IL1RAPL1: variants seen among roughly 807,000 people sequenced by gnomAD.
The protein encoded by IL1RAPL1 is interleukin 1 receptor accessory protein like 1, also known as interleukin-1 receptor accessory protein-like 1.
IL1RAPL1 carries 3 observed loss-of-function variants against 48.4 expected under a neutral mutation model. The observed-to-expected ratio is 0.06, with a 90% confidence interval of 0.03 to 0.16. The LOEUF is 0.16. Among genes scored for constraint, IL1RAPL1 ranks in the 10% least tolerant of loss-of-function variants. The probability of loss-of-function intolerance (pLI) is 1.00; values close to 1 mark genes in which losing one functional copy is unlikely to be tolerated. For missense variants in IL1RAPL1, 349 were observed against 530.6 expected (o/e 0.66, Z 3.36); for synonymous variants, 185 against 187.7 (o/e 0.99, Z 0.12).
chrX:29,826,697 T>C (rs1264889597), intron 6 of IL1RAPL1, among the ~76,000 whole-genome samples: 1 of 112,210 alleles, frequency 8.9e-6, no homozygotes, highest in East Asian at 2.8e-4. Context: ...TTATTCTCAT[T>C]TTAGTATGCA....
chrX:29,252,158 T>G (rs1022565127), intron 2 of IL1RAPL1, among the ~76,000 whole-genome samples: 1 of 112,693 alleles, frequency 8.9e-6, no homozygotes, highest in Non-Finnish European at 1.9e-5. Context: ...GAGATATACC[T>G]AATGCTAGAT....
intron 2 of IL1RAPL1, among the ~76,000 whole-genome samples, chrX:29,155,734 T>C (rs1929556186): frequency 9.0e-6 from 1 of 111,731 alleles, no homozygotes. Flanking sequence ...GAATTGTAAG[T>C]TTCTTGCAAA....
At chrX:29,322,869 A>G (rs950950543) in intron 3 of IL1RAPL1, among the ~76,000 whole-genome samples, 2 of 111,759 alleles carry the variant, frequency 1.8e-5, no homozygotes, top group African/African-American at 6.5e-5. Flanking sequence ...CTAAACTCCC[A>G]AAGGAGAATT....
intron 2 of IL1RAPL1, among the ~76,000 whole-genome samples, chrX:29,154,931 A>G (rs1037178132): frequency 1.8e-5 from 2 of 111,703 alleles, no homozygotes; most frequent in Non-Finnish European, 3.8e-5. Context: ...AATTAAGACT[A>G]GTAATGATTA....
chrX:29,921,112 A>C (rs1239674666), intron 8 of IL1RAPL1, among the ~76,000 whole-genome samples: 1 of 112,525 alleles, frequency 8.9e-6, no homozygotes, highest in African/African-American at 3.2e-5. Flanking sequence ...GGTTAAGTGC[A>C]TTTAAATGTA....
intron 6 of IL1RAPL1, among the ~76,000 whole-genome samples, chrX:29,741,907 A>G (rs751566684): frequency 1.1e-5 from 1 of 93,456 alleles, no homozygotes; most frequent in Non-Finnish European, 2.1e-5. Context: ...CCTGGGCAAT[A>G]GAGCGAGACT....
At chrX:29,554,776 C>CA (rs1339115683) in intron 5 of IL1RAPL1, among the ~76,000 whole-genome samples, 197 of 107,745 alleles carry the variant, frequency 1.8e-3, no homozygotes, top group African/African-American at 5.2e-3. Flanking sequence ...AAAATTGCCT[C>CA]AAAAAAAAAA....
chrX:28,902,651 G>GA (rs761730958), intron 2 of IL1RAPL1, among the ~76,000 whole-genome samples: 3 of 111,505 alleles, frequency 2.7e-5, no homozygotes, highest in Non-Finnish European at 3.8e-5. Flanking sequence ...AAAACTAAGG[G>GA]AAAAAATGAG....
In IL1RAPL1 at chrX:29,854,448, T is replaced by TTTA. The variant is rs1402368438; in HGVS notation, c.779-63012_779-63010dup. ...TAAATCATTCATATGATATTTTATT[T>TTTA]TTATTAATTTCTGGTTCAGCTAAAA... On this transcript the variant is annotated intron_variant, in intron 6 of 10. Coordinates refer to ENST00000378993, the MANE Select transcript of IL1RAPL1 (RefSeq NM_014271.4). Among the ~76,000 whole-genome samples, 3 of 111,333 alleles carry TTTA rather than the reference T, an allele frequency of 2.7e-5. No homozygotes were observed. In the Admixed American group the frequency reaches 2.9e-4, roughly 11 times the overall value.
intron 3 of IL1RAPL1, among the ~76,000 whole-genome samples, chrX:29,312,451 T>A (rs749002784): frequency 3.5e-4 from 39 of 111,349 alleles, no homozygotes; most frequent in African/African-American, 1.3e-3. Context: ...TGCCTTTGCA[T>A]TTTTATTTCT....
chrX:29,250,557 C>T (rs1459931797), intron 2 of IL1RAPL1, among the ~76,000 whole-genome samples: 3 of 111,657 alleles, frequency 2.7e-5, no homozygotes, highest in East Asian at 2.8e-4. Flanking sequence ...AGGTCATTTC[C>T]TCTTCCTTCA....
chrX:29,087,550 C>G (rs1187929845), intron 2 of IL1RAPL1, among the ~76,000 whole-genome samples: 2 of 111,530 alleles, frequency 1.8e-5, no homozygotes, highest in African/African-American at 6.5e-5. Flanking sequence ...TGAATAAATA[C>G]CATATTCTCT....
intron 5 of IL1RAPL1, among the ~76,000 whole-genome samples, chrX:29,554,947 T>C (rs915895132): frequency 8.9e-6 from 1 of 112,395 alleles, no homozygotes; most frequent in Non-Finnish European, 1.9e-5. Context: ...CAATAGTTTT[T>C]AAGGCTTCCT....
At chrX:29,457,914 TG>T (rs1268536640) in intron 5 of IL1RAPL1, among the ~76,000 whole-genome samples, 2 of 111,995 alleles carry the variant, frequency 1.8e-5, no homozygotes, top group East Asian at 5.6e-4. Context: ...TATCTTATTG[TG>T]GTTTTGATTT....
At chrX:28,965,733 T>G (rs1345745953) in intron 2 of IL1RAPL1, among the ~76,000 whole-genome samples, 1 of 112,116 alleles carries the variant, frequency 8.9e-6, no homozygotes, top group Non-Finnish European at 1.9e-5. Context: ...TAAAGCAATC[T>G]GTGCGCTCTT....
At chrX:28,708,870 T>C (rs7882211) in intron 1 of IL1RAPL1, among the ~76,000 whole-genome samples, 2,183 of 111,164 alleles carry the variant, frequency 0.02, 59 homozygotes, top group African/African-American at 0.066. Flanking sequence ...TAAAATGGAA[T>C]AAATACAGTG....
At chrX:29,812,260 A>G (rs768129053) in intron 6 of IL1RAPL1, among the ~76,000 whole-genome samples, 2 of 112,292 alleles carry the variant, frequency 1.8e-5, no homozygotes, top group East Asian at 5.6e-4. Context: ...ATGATTAATG[A>G]CTGTTACTTT....
intron 6 of IL1RAPL1, among the ~76,000 whole-genome samples, chrX:29,871,896 A>G (rs1172076416): frequency 2.8e-4 from 31 of 110,189 alleles, no homozygotes; most frequent in Admixed American, 2.4e-3. Context: ...GCTAATTTTC[A>G]TATTTTTAGT....
intron 6 of IL1RAPL1, among the ~76,000 whole-genome samples, chrX:29,879,357 A>ATGTG (rs370851302): frequency 0.036 from 3,002 of 83,887 alleles, 68 homozygotes; most frequent in Non-Finnish European, 0.052. Flanking sequence ...AGTTTTATAT[A>ATGTG]TGTGTGTGTG....
Sources: gnomAD v4.1 joint callset for allele counts (sites outside exome capture counted in the v4.1 genomes callset) on GRCh38, gnomAD v4.1.1 for gene constraint, MANE v1.5 for transcripts, NCBI Gene and HGNC (gene_info 2026-07-23, HGNC 2026-07-21) for gene names.